The following ARHGAP21 variants were observed in gnomAD, a reference collection of about 807,000 sequenced individuals.
The protein encoded by ARHGAP21 is Rho GTPase activating protein 21.
ARHGAP21 carries 38 observed loss-of-function variants against 164.6 expected under a neutral mutation model. That is an observed-to-expected ratio of 0.23 (90% confidence interval 0.18 to 0.30). ARHGAP21 has a LOEUF of 0.30. Ranked by LOEUF, ARHGAP21 falls within the 10% of genes least tolerant of loss-of-function variation. ARHGAP21 has a pLI of 1.00. For missense variants in ARHGAP21, 1,822 were observed against 2,370.7 expected (o/e 0.77, Z 4.81); for synonymous variants, 766 against 857.9 (o/e 0.89, Z 1.87).
At chr10:24,610,147 C>T (rs544245054) in intron 9 of ARHGAP21, among the ~76,000 whole-genome samples, 10 of 152,242 alleles carry the variant, frequency 6.6e-5, no homozygotes, top group African/African-American at 1.9e-4. Flanking sequence ...GAGGCCAAGA[C>T]GGGTGGATCA....
intron 4 of ARHGAP21, among the ~76,000 whole-genome samples, chr10:24,664,215 A>G (rs1056750192): frequency 6.6e-6 from 1 of 152,108 alleles, no homozygotes; most frequent in African/African-American, 2.4e-5. Flanking sequence ...CATCTTTTCT[A>G]TGGCCACTGG....
intron 9 of ARHGAP21, among the ~76,000 whole-genome samples, chr10:24,610,075 T>C (rs1483299643): frequency 6.6e-6 from 1 of 152,200 alleles, no homozygotes; most frequent in Non-Finnish European, 1.5e-5. Flanking sequence ...ATCAAAGAAC[T>C]GACTTAAGAA....
chr10:24,721,994 C>T lies in ARHGAP21; in HGVS notation c.-95G>A. The T allele has an allele frequency of 7.4e-7, 1 of 1,351,564 alleles. No homozygotes were observed. The highest frequency in any genetic ancestry group is 1.2e-5 in the South Asian group (1 of 82,020). 83.7% of individuals were successfully genotyped at this position (1,351,564 alleles called of 1,614,324 possible). A position where few individuals can be genotyped will look rare whatever the true frequency, so the allele number is the denominator to read the frequency against. On this transcript the variant is annotated 5_prime_UTR_variant, in exon 2 of 26. The change creates a new upstream start codon in the 5' untranslated region. Transcript: ENST00000396432. The stretch of plus-strand genomic sequence containing the variant: ...ACACACCCGAAGGGGAAGAATTCCA[C>T]AAGCAGGCTCCGAGGAGGGGCAGGG...
At position 24,694,721 on chromosome 10, in the gene ARHGAP21, G is replaced by A. The variant is rs912382546; in HGVS notation, c.64-24324C>T. Among the ~76,000 whole-genome samples the A allele has an allele frequency of 4.6e-5, 7 of 152,120 alleles. No homozygotes were observed. In the East Asian group the frequency reaches 7.7e-4, roughly 17 times the overall value. On this transcript the variant is annotated intron_variant, in intron 2 of 25. Coordinates refer to ENST00000396432, the MANE Select transcript of ARHGAP21 (RefSeq NM_020824.4). The stretch of plus-strand genomic sequence containing the variant: ...TTCACTGTAATACATCATTGCCTGC[G>A]TACTACTTTATGCTGAATCCTTTAA...
intron 2 of ARHGAP21, among the ~76,000 whole-genome samples, chr10:24,720,973 A>C (rs1845864549): frequency 6.7e-6 from 1 of 149,776 alleles, no homozygotes; most frequent in Non-Finnish European, 1.5e-5. Context: ...AATTCCGAAT[A>C]CTTCAATCTC....
chr10:24,599,129 T>C (rs562070800), intron 14 of ARHGAP21, among the ~76,000 whole-genome samples: 19 of 152,350 alleles, frequency 1.2e-4, no homozygotes, highest in African/African-American at 4.3e-4. Context: ...AAATGTTTAT[T>C]ACTTGGCAGG....
chr10:24,590,051 A>AG, intron 24 of ARHGAP21: 1 of 447,002 alleles, frequency 2.2e-6, no homozygotes. Context: ...GAGGGTAGGA[A>AG]GGGGCTAGCA....
intron 9 of ARHGAP21, among the ~76,000 whole-genome samples, chr10:24,610,693 G>C (rs2077220032): frequency 6.6e-6 from 1 of 151,962 alleles, no homozygotes; most frequent in Non-Finnish European, 1.5e-5. Flanking sequence ...ACTGTTTATT[G>C]CTTATCAATT....
chr10:24,623,843 T>C (rs1834820765), intron 7 of ARHGAP21, among the ~76,000 whole-genome samples: 2 of 152,248 alleles, frequency 1.3e-5, no homozygotes, highest in South Asian at 2.1e-4. Flanking sequence ...GCCATTTTTT[T>C]CCCAGAGGTT....
At chr10:24,639,944 T>C (rs536605748) in intron 4 of ARHGAP21, among the ~76,000 whole-genome samples, 1 of 151,444 alleles carries the variant, frequency 6.6e-6, no homozygotes, top group African/African-American at 2.4e-5. Context: ...CTAAAGCTAA[T>C]AGATTACTTT....
chr10:24,695,921 A>G (rs1281130674), intron 2 of ARHGAP21, among the ~76,000 whole-genome samples: 1 of 152,196 alleles, frequency 6.6e-6, no homozygotes, highest in Admixed American at 6.5e-5. Context: ...GACAGCCTCG[A>G]AAGACCCTGA....
intron 11 of ARHGAP21, among the ~76,000 whole-genome samples, chr10:24,606,559 G>T (rs911757240): frequency 2.0e-5 from 3 of 152,150 alleles, no homozygotes; most frequent in African/African-American, 7.2e-5. Flanking sequence ...ATGTGGTTTG[G>T]TATAATTTTT....
intron 4 of ARHGAP21, among the ~76,000 whole-genome samples, chr10:24,653,072 T>C (rs923077676): frequency 2.0e-5 from 3 of 152,216 alleles, no homozygotes; most frequent in Non-Finnish European, 4.4e-5. Flanking sequence ...ATCAGCTTTA[T>C]TGAGGTATAA....
intron 2 of ARHGAP21, among the ~76,000 whole-genome samples, chr10:24,708,790 G>A (rs1016521190): frequency 1.3e-5 from 2 of 152,172 alleles, no homozygotes; most frequent in Non-Finnish European, 2.9e-5. Context: ...AGTATTCCAT[G>A]AATAGTCTTC....
At chr10:24,596,256 G>T (rs369611509) in intron 17 of ARHGAP21, 1 of 457,892 alleles carries the variant, frequency 2.2e-6, no homozygotes, top group Non-Finnish European at 3.7e-6. Context: ...AGAAAGAGAG[G>T]GACCCCCAGA....
rs369715868 is a variant in ARHGAP21 at position 24,585,486 on chromosome 10, G to A, written c.4803C>T (p.Ser1601=). ...ATTGCACCTCAGGGCTCAGTCGACT[G>A]GAGTCCAGGCTAGTCAAGTATGTAG... ...SSATYLTSLD[S]SRLSPEVQSV... Residue 1601 remains serine (S), a synonymous_variant, in exon 26 of 26, where the codon TCC becomes TCT. Coordinates refer to ENST00000396432, the MANE Select transcript of ARHGAP21 (RefSeq NM_020824.4). 3.7e-6 allele frequency: 6 copies of A among 1,614,048 alleles called. No individual in the cohort carries two copies. In the African/African-American group the frequency reaches 8.0e-5, roughly 22 times the overall value.
At chr10:24,622,158 T>C (rs957775694) in intron 8 of ARHGAP21, among the ~76,000 whole-genome samples, 1 of 152,064 alleles carries the variant, frequency 6.6e-6, no homozygotes, top group African/African-American at 2.4e-5. Context: ...TTATCAACTA[T>C]TTGTAAAATT....
chr10:24,714,910 G>A (rs1053450407), intron 2 of ARHGAP21, among the ~76,000 whole-genome samples: 2 of 151,864 alleles, frequency 1.3e-5, no homozygotes, highest in Non-Finnish European at 1.5e-5. Context: ...GGCGCCTGTA[G>A]TCCCAGCTAC....
intron 2 of ARHGAP21, among the ~76,000 whole-genome samples, chr10:24,688,881 T>C (rs1268804574): frequency 3.9e-5 from 6 of 152,220 alleles, no homozygotes; most frequent in Non-Finnish European, 8.8e-5. Flanking sequence ...GTTTCCTTTT[T>C]CTTTCCCTTC....
Sources: gnomAD v4.1 joint callset for allele counts (sites outside exome capture counted in the v4.1 genomes callset) on GRCh38, gnomAD v4.1.1 for gene constraint, MANE v1.5 for transcripts, NCBI Gene and HGNC (gene_info 2026-07-23, HGNC 2026-07-21) for gene names.